The following EPHX4 variants were observed in gnomAD, a reference collection of about 807,000 sequenced individuals.
EPHX4 encodes the protein epoxide hydrolase 4.
Under a neutral mutation model 44.9 loss-of-function variants are expected in EPHX4, and 31 were observed. That is an observed-to-expected ratio of 0.69 (90% confidence interval 0.52 to 0.93). The LOEUF (loss-of-function observed/expected upper bound fraction) is 0.93, where lower values mean the gene tolerates loss of function less well. Ranked by LOEUF, EPHX4 falls within the 40% of genes least tolerant of loss-of-function variation. EPHX4 has a pLI of 0.00. For missense variants in EPHX4, 373 were observed against 438.1 expected (o/e 0.85, Z 1.33); for synonymous variants, 151 against 159.7 (o/e 0.95, Z 0.41).
chr1:92,033,951 C>T (rs1274133320), intron 2 of EPHX4, among the ~76,000 whole-genome samples: 1 of 151,060 alleles, frequency 6.6e-6, no homozygotes, highest in African/African-American at 2.4e-5. Flanking sequence ...TCTCTATTGA[C>T]CCCACTGGGC....
In EPHX4 at chr1:92,032,527, A is replaced by G. The variant is rs1688376667; in HGVS notation, c.254A>G (p.Tyr85Cys). The change falls in exon 2 of 7, where the codon TAT (tyrosine) becomes TGT (cysteine). Residue 85 changes from tyrosine (Y) to cysteine (C), a missense_variant. Transcript: ENST00000370383. ...RIKDSGLRFH[Y>C]VAAGERGKPL... ...CAGGATTCAGGGTTAAGATTTCACT[A>G]TGTTGCTGCTGGAGAAAGAGGCAAA... 1.9e-6 allele frequency: 3 copies of G among 1,614,082 alleles called. No individual in the cohort carries two copies. The highest frequency in any genetic ancestry group is 2.5e-6 in the Non-Finnish European group (3 of 1,179,960).
intron 4 of EPHX4, 97 bp downstream of exon 4, chr1:92,045,757 C>T: frequency 7.2e-7 from 1 of 1,392,906 alleles, no homozygotes; most frequent in Non-Finnish European, 1.0e-6. Flanking sequence ...TGGTTACTAT[C>T]ATATTTTAAA....
intron 1 of EPHX4, 118 bp from the exon 2 acceptor site, chr1:92,032,387 T>C: frequency 1.4e-6 from 1 of 712,990 alleles, no homozygotes; most frequent in Non-Finnish European, 2.4e-6. Context: ...ATATTGTAAA[T>C]ACACAAATGT....
At chr1:92,039,967 A>G (rs1316120605) in intron 2 of EPHX4, among the ~76,000 whole-genome samples, 2 of 151,988 alleles carry the variant, frequency 1.3e-5, no homozygotes, top group African/African-American at 2.4e-5. Context: ...AGACATGTTT[A>G]TTAGCATTTT....
chr1:92,061,585 G>A lies in EPHX4; in HGVS notation c.858-1470G>A, dbSNP rs146069837. On this transcript the variant is annotated intron_variant, in intron 6 of 6. Transcript: ENST00000370383. ...ATCAGAAATGCCAAGAAAAATCTGG[G>A]CATAAAATGCTTATTATAGCATAAT... 4.3e-3 allele frequency among the ~76,000 whole-genome samples: 649 copies of A among 152,224 alleles called. 1 individual carries two copies. The highest frequency in any genetic ancestry group is 7.2e-3 in the Non-Finnish European group (488 of 68,012).
At chr1:92,050,559 T>A in intron 5 of EPHX4, 139 bp downstream of exon 5, 1 of 543,500 alleles carries the variant, frequency 1.8e-6, no homozygotes. Flanking sequence ...TTAACTATAG[T>A]CTTGCTTATT....
chr1:92,030,819 G>C (rs1398496411), intron 1 of EPHX4, among the ~76,000 whole-genome samples: 1 of 152,152 alleles, frequency 6.6e-6, no homozygotes, highest in Middle Eastern at 3.2e-3. Context: ...GATCACAGAC[G>C]ACTTAGGTTG....
chr1:92,048,154 A>G (rs1262180096), intron 4 of EPHX4, among the ~76,000 whole-genome samples: 1 of 152,224 alleles, frequency 6.6e-6, no homozygotes, highest in Non-Finnish European at 1.5e-5. Context: ...ATGTAAATAT[A>G]TAAGTCAATG....
At position 92,041,429 on chromosome 1, in the gene EPHX4, G is replaced by C. The variant is rs114460867; in HGVS notation, c.318-1394G>C. On this transcript the variant is annotated intron_variant, in intron 2 of 6. Coordinates refer to ENST00000370383, the MANE Select transcript of EPHX4 (RefSeq NM_173567.5). ...AAGCTGTGGTTATTACTAAAACTTT[G>C]ACCCTATTTGACAGTGGAGTAAGGT... Among the ~76,000 whole-genome samples, 195 of 152,234 alleles carry C rather than the reference G, an allele frequency of 1.3e-3. 2 individuals carry two copies. Among genetic ancestry groups the C allele is most frequent in the African/African-American group, 4.1e-3 (171 of 41,526 alleles).
At chr1:92,062,249 C>T (rs561845487) in intron 6 of EPHX4, among the ~76,000 whole-genome samples, 1 of 151,914 alleles carries the variant, frequency 6.6e-6, no homozygotes, top group African/African-American at 2.4e-5. Flanking sequence ...GTTTAAATCT[C>T]TCTTTCATTA....
chr1:92,042,423 C>T (rs1326477784), intron 2 of EPHX4, among the ~76,000 whole-genome samples: 1 of 151,200 alleles, frequency 6.6e-6, no homozygotes, highest in Non-Finnish European at 1.5e-5. Context: ...CAGTTTTCCA[C>T]TGAGAAAATC....
At position 92,063,389 on chromosome 1, in the gene EPHX4, A is replaced by C; in HGVS notation, c.*103A>C. On this transcript the variant is annotated 3_prime_UTR_variant, in exon 7 of 7. Coordinates refer to ENST00000370383, the MANE Select transcript of EPHX4 (RefSeq NM_173567.5). The stretch of plus-strand genomic sequence containing the variant: ...GTTTTATTAGAAAAAAACTGTTTTA[A>C]TGTGCTTTATCATAAATAAATATCC... 1 of 868,712 alleles carries C rather than the reference A, an allele frequency of 1.2e-6. No homozygotes were observed. The highest frequency in any genetic ancestry group is 1.7e-6 in the Non-Finnish European group (1 of 589,612). The allele number at this position is 868,712 out of a possible 1,614,324, so 53.8% of individuals were successfully genotyped here.
chr1:92,035,790 G>A (rs1185489675), intron 2 of EPHX4, among the ~76,000 whole-genome samples: 1 of 152,100 alleles, frequency 6.6e-6, no homozygotes, highest in African/African-American at 2.4e-5. Flanking sequence ...AGGCTCCAGT[G>A]TGTGTTGTTC....
chr1:92,043,856 G>A (rs1023040), intron 3 of EPHX4: 1 of 151,722 alleles, frequency 6.6e-6, no homozygotes, highest in Non-Finnish European at 1.5e-5. Context: ...ATGGTAGAGG[G>A]TGAGCCCAGG....
chr1:92,049,698 A>C (rs1469986870), intron 4 of EPHX4, among the ~76,000 whole-genome samples: 1 of 152,216 alleles, frequency 6.6e-6, no homozygotes, highest in African/African-American at 2.4e-5. Context: ...ATGTATTCCT[A>C]GGAAAAGTGG....
At chr1:92,041,932 C>T (rs1186597327) in intron 2 of EPHX4, among the ~76,000 whole-genome samples, 1 of 152,144 alleles carries the variant, frequency 6.6e-6, no homozygotes, top group African/African-American at 2.4e-5. Flanking sequence ...GCCTGTAATC[C>T]TAGCTACTTG....
chr1:92,052,997 T>C (rs1039033856), intron 6 of EPHX4, among the ~76,000 whole-genome samples: 1 of 152,240 alleles, frequency 6.6e-6, no homozygotes, highest in African/African-American at 2.4e-5. Flanking sequence ...CACTATGTTC[T>C]GGGCTGTGTT....
rs116138697 is a variant in EPHX4, at chr1:92,047,635, T to C, written c.604+1975T>C. On this transcript the variant is annotated intron_variant, in intron 4 of 6. Transcript: ENST00000370383. ...AGTGAATCCAGCACTTAATTAAATG[T>C]AATTAATTAGTTAGTTTGCCACCAG... Among the ~76,000 whole-genome samples, 268 of 152,346 alleles carry C rather than the reference T, an allele frequency of 1.8e-3. 4 individuals are homozygous for C. Among genetic ancestry groups the C allele is most frequent in the African/African-American group, 6.4e-3 (265 of 41,590 alleles).
chr1:92,044,186 A>T (rs1688551756), intron 3 of EPHX4, among the ~76,000 whole-genome samples: 1 of 152,204 alleles, frequency 6.6e-6, no homozygotes, highest in Admixed American at 6.5e-5. Context: ...GAGAGCATGG[A>T]TCAGGCCAAT....
Sources: gnomAD v4.1 joint callset for allele counts (sites outside exome capture counted in the v4.1 genomes callset) on GRCh38, gnomAD v4.1.1 for gene constraint, MANE v1.5 for transcripts, NCBI Gene and HGNC (gene_info 2026-07-23, HGNC 2026-07-21) for gene names.